TBCD: variants seen among roughly 807,000 people sequenced by gnomAD.
The protein encoded by TBCD is tubulin-specific chaperone D.
A neutral mutation model predicts 169.3 loss-of-function variants in TBCD; 105 were observed. The observed-to-expected ratio is 0.62, with a 90% CI of 0.53 to 0.73. TBCD has a LOEUF of 0.73. Among genes scored for constraint, TBCD ranks in the 30% least tolerant of loss-of-function variants. The pLI is 0.00. For missense variants in TBCD, 1,444 were observed against 1,600.1 expected (o/e 0.90, Z 1.66); for synonymous variants, 700 against 643.9 (o/e 1.09, Z -1.32).
intron 13 of TBCD, among the ~76,000 whole-genome samples, chr17:82,815,245 C>T (rs1393068115): frequency 6.6e-6 from 1 of 152,240 alleles, no homozygotes; most frequent in Non-Finnish European, 1.5e-5. Context: ...CCCTGTGTAG[C>T]TGGTTTTGGA....
rs538235807 is a variant in TBCD at position 82,942,794 on chromosome 17, ACTC to A, written c.*337_*339del. On this transcript the variant is annotated 3_prime_UTR_variant, in exon 39 of 39. Transcript: ENST00000355528. The stretch of plus-strand genomic sequence containing the variant: ...GTCAGCCAGAGGGGAGGTGGGCTGC[ACTC>A]CTCCTGCCTGGAGACCAGGCCCCCT... 2.0e-4 allele frequency: 85 copies of A among 425,300 alleles called. No individual in the cohort carries two copies. In the South Asian group the frequency reaches 2.7e-3, roughly 13 times the overall value. The allele number at this position is 425,300 out of a possible 1,614,324, so 26.3% of individuals were successfully genotyped here.
At chr17:82,895,866 C>T (rs1599318285) in intron 17 of TBCD, 2 of 152,216 alleles carry the variant, frequency 1.3e-5, no homozygotes, top group East Asian at 1.9e-4. Flanking sequence ...TAACGGGCAC[C>T]CCAGGAAGAC....
At position 82,920,711 on chromosome 17, in the gene TBCD, C is replaced by T. The variant is rs2061367570; in HGVS notation, c.2101+93C>T. 13 of 1,097,878 alleles carry T rather than the reference C, an allele frequency of 1.2e-5. No individual in the cohort carries two copies. Among genetic ancestry groups the T allele is most frequent in the South Asian group, 5.8e-5 (4 of 69,220 alleles). 68.0% of individuals were successfully genotyped at this position (1,097,878 alleles called of 1,614,324 possible). A position where few individuals can be genotyped will look rare whatever the true frequency, so the allele number is the denominator to read the frequency against. On this transcript the variant is annotated intron_variant, in intron 24 of 38. Coordinates refer to ENST00000355528, the MANE Select transcript of TBCD (RefSeq NM_005993.5). This position sits in a 1 kb window ranked among gnomAD's most constrained non-coding sequence, Gnocchi z 4.1. ...AACCTGTTAGGATGGGGGCGATAAA[C>T]GATTATAGCTTAAAGGTTCAAGATA...
At chr17:82,932,978 C>T (rs942946801) in intron 34 of TBCD, 7 of 518,002 alleles carry the variant, frequency 1.4e-5, no homozygotes, top group East Asian at 1.0e-4. Flanking sequence ...GGGGCTGAGG[C>T]GGGGGCCCTG....
intron 14 of TBCD, among the ~76,000 whole-genome samples, chr17:82,879,059 C>CTTTTTT (rs58480407): frequency 1.4e-3 from 162 of 113,822 alleles, no homozygotes; most frequent in East Asian, 2.2e-3. Context: ...AGATCCTGTT[C>CTTTTTT]TTTTTTTTTT....
intron 1 of TBCD, among the ~76,000 whole-genome samples, chr17:82,752,947 G>T (rs1430669841): frequency 1.3e-5 from 2 of 152,214 alleles, no homozygotes; most frequent in East Asian, 1.9e-4. Flanking sequence ...CGGGCTGGCC[G>T]GGTCCGTGCC....
rs550199436 is a variant in TBCD, at chr17:82,911,183, C to G, written c.2007-575C>G. On this transcript the variant is annotated intron_variant, in intron 22 of 38. Coordinates refer to ENST00000355528, the MANE Select transcript of TBCD (RefSeq NM_005993.5). ...GAGCCAGCATTTCATATGTTGCATT[C>G]TGTCCAGTTTTCTACTTGCAGGAGG... Among the ~76,000 whole-genome samples, 117 of 152,356 alleles carry G rather than the reference C, an allele frequency of 7.7e-4. 1 individual carries two copies. The highest frequency in any genetic ancestry group is 3.4e-3 in the Middle Eastern group (1 of 294).
Position 82,893,540 on chromosome 17 carries a change from T to A in TBCD, c.1564-7T>A. On this transcript the variant is annotated splice_polypyrimidine_tract_variant and splice_region_variant and intron_variant, in intron 16 of 38. Coordinates refer to ENST00000355528, the MANE Select transcript of TBCD (RefSeq NM_005993.5). Reference sequence around the variant, plus strand: ...TTCTTTTTCCCCCATTTCCACTTTCTTATTAGGGCACTTTCCCTCATGGTA... The same window carrying A: ...TTCTTTTTCCCCCATTTCCACTTTCATATTAGGGCACTTTCCCTCATGGTA... 1 of 1,599,952 alleles carries A rather than the reference T, an allele frequency of 6.3e-7. No individual in the cohort carries two copies. The highest frequency in any genetic ancestry group is 8.5e-7 in the Non-Finnish European group (1 of 1,173,668).
At chr17:82,765,973 C>G (rs2047998550) in intron 3 of TBCD, among the ~76,000 whole-genome samples, 1 of 152,140 alleles carries the variant, frequency 6.6e-6, no homozygotes, top group Non-Finnish European at 1.5e-5. Context: ...ACCATCCTGT[C>G]TAATTTTTAA....
chr17:82,887,442 G>A (rs2058834710), intron 15 of TBCD, among the ~76,000 whole-genome samples: 1 of 152,132 alleles, frequency 6.6e-6, no homozygotes, highest in African/African-American at 2.4e-5. Context: ...TCTCGGCACA[G>A]CTCTCTGGAG....
At chr17:82,771,423 G>GT (rs879433375) in intron 5 of TBCD, among the ~76,000 whole-genome samples, 1,835 of 144,802 alleles carry the variant, frequency 0.013, 20 homozygotes, top group African/African-American at 0.032. Flanking sequence ...GCTGCAGTGA[G>GT]TTTTTTTTTT....
rs562766257 is a variant in TBCD, at chr17:82,835,647, A to G, written c.1318+20713A>G. Among the ~76,000 whole-genome samples the G allele has an allele frequency of 3.2e-4, 48 of 148,252 alleles. No individual in the cohort carries two copies. Among genetic ancestry groups the G allele is most frequent in the African/African-American group, 1.1e-3 (46 of 40,082 alleles). On this transcript the variant is annotated intron_variant, in intron 13 of 38. Transcript: ENST00000355528. This position sits in a 1 kb window ranked among gnomAD's most constrained non-coding sequence, Gnocchi z 4.5. Reference sequence around the variant, plus strand: ...ACTATGTTGGCCCGGCTGGTCTTGAACTCCTGACCTCAGGCGATCTGCCCG... The same window carrying G: ...ACTATGTTGGCCCGGCTGGTCTTGAGCTCCTGACCTCAGGCGATCTGCCCG...
chr17:82,915,139 G>A lies in TBCD; in HGVS notation c.2038+3350G>A, dbSNP rs559226601. 2.5e-4 allele frequency among the ~76,000 whole-genome samples: 38 copies of A among 152,242 alleles called. No homozygotes were observed. The highest frequency in any genetic ancestry group is 8.4e-4 in the African/African-American group (35 of 41,540). ...GGTTCACGGGCTACATGTGGGAGAC[G>A]GGGAGGGGCTGCTGGTCACTTTCTC... is the stretch of plus-strand genomic sequence containing the variant. On this transcript the variant is annotated intron_variant, in intron 23 of 38. Coordinates refer to ENST00000355528, the MANE Select transcript of TBCD (RefSeq NM_005993.5). This position sits in a 1 kb window ranked among gnomAD's most constrained non-coding sequence, Gnocchi z 4.3.
chr17:82,842,780 C>CT (rs375870095), intron 13 of TBCD, among the ~76,000 whole-genome samples: 4,959 of 129,858 alleles, frequency 0.038, 382 homozygotes, highest in African/African-American at 0.12. Context: ...TTCTTTCTTT[C>CT]TTTTTTTTTT....
rs733342 is a variant in TBCD at position 82,864,204 on chromosome 17, A to G, written c.1319-6020A>G. On this transcript the variant is annotated intron_variant, in intron 13 of 38. Coordinates refer to ENST00000355528, the MANE Select transcript of TBCD (RefSeq NM_005993.5). The surrounding 1 kb of genome is among the most constrained non-coding windows in gnomAD (Gnocchi z 6.3). ...TGAGTCATCTCTTGTGTGATTTATC[A>G]GCTTCACTTGTGCTTCCAGGGCTCT... 38,429 of 152,234 alleles carry G rather than the reference A, an allele frequency of 0.25. 4,866 individuals carry two copies. The highest frequency in any genetic ancestry group is 0.31 in the Middle Eastern group (92 of 294). The allele number at this position is 152,234 out of a possible 1,614,324, so 9.4% of individuals were successfully genotyped here.
chr17:82,814,715 G>A, intron 12 of TBCD, 125 bp from the exon 13 acceptor site: 1 of 875,086 alleles, frequency 1.1e-6, no homozygotes, highest in Non-Finnish European at 1.8e-6. Context: ...GGGTTTTAGT[G>A]AGCCTTACGT....
chr17:82,845,178 T>C (rs1017608127), intron 13 of TBCD, among the ~76,000 whole-genome samples: 1 of 152,192 alleles, frequency 6.6e-6, no homozygotes. Flanking sequence ...CTGGTTGAGC[T>C]TTCCTAGTTT....
chr17:82,795,580 A>T, intron 7 of TBCD: 2 of 985,532 alleles, frequency 2.0e-6, no homozygotes, highest in Non-Finnish European at 1.2e-6. Flanking sequence ...TGCAGGTGAT[A>T]CGGTGGTGCT....
chr17:82,881,245 A>G (rs941727763), intron 14 of TBCD, among the ~76,000 whole-genome samples: 1 of 152,134 alleles, frequency 6.6e-6, no homozygotes, highest in Non-Finnish European at 1.5e-5. Context: ...CCACGCTGAG[A>G]CCACAGATTG....
Sources: gnomAD v4.1 joint callset for allele counts (sites outside exome capture counted in the v4.1 genomes callset) on GRCh38, gnomAD v4.1.1 for gene constraint, Gnocchi (gnomAD v3.1) non-coding constraint, MANE v1.5 for transcripts, NCBI Gene and HGNC (gene_info 2026-07-23, HGNC 2026-07-21) for gene names.